Variants in TMIGD3 observed in about 807,000 individuals in gnomAD.
TMIGD3 encodes the protein AD026 protein (AD026).
Under a neutral mutation model 28.1 loss-of-function variants are expected in TMIGD3, and 21 were observed. The ratio of observed to expected loss-of-function variants is 0.75; its 90% CI spans 0.53 to 1.08. The LOEUF (loss-of-function observed/expected upper bound fraction) is 1.08. Ranked by LOEUF, TMIGD3 falls within the 50% of genes least tolerant of loss-of-function variation. TMIGD3 has a pLI of 0.00. For synonymous variants in TMIGD3, 151 were observed against 162.1 expected (o/e 0.93, Z 0.52); for missense variants, 416 against 435.6 (o/e 0.96, Z 0.40).
intron 1 of TMIGD3, among the ~76,000 whole-genome samples, chr1:111,559,105 T>G (rs1455581894): frequency 6.6e-6 from 1 of 152,152 alleles, no homozygotes; most frequent in Non-Finnish European, 1.5e-5. Context: ...TTCTTTAGAA[T>G]TTGAAAATAT....
chr1:111,518,021 A>G (rs1435004267), intron 1 of TMIGD3, among the ~76,000 whole-genome samples: 1 of 152,212 alleles, frequency 6.6e-6, no homozygotes, highest in Non-Finnish European at 1.5e-5. Context: ...ATAGATAAGT[A>G]GGCTGAGGTT....
At chr1:111,557,001 T>C (rs973225459) in intron 1 of TMIGD3, among the ~76,000 whole-genome samples, 1 of 152,016 alleles carries the variant, frequency 6.6e-6, no homozygotes, top group Non-Finnish European at 1.5e-5. Context: ...ATGCAAATAT[T>C]CAACTTAAGG....
At chr1:111,509,106 CA>C (rs1655608097) in intron 1 of TMIGD3, among the ~76,000 whole-genome samples, 1 of 152,168 alleles carries the variant, frequency 6.6e-6, no homozygotes, top group Non-Finnish European at 1.5e-5. Context: ...AACAAACAAA[CA>C]AACAAAAGCA....
chr1:111,483,965 T>C (rs940851237), intron 5 of TMIGD3, among the ~76,000 whole-genome samples: 1 of 152,214 alleles, frequency 6.6e-6, no homozygotes, highest in Non-Finnish European at 1.5e-5. Flanking sequence ...AGGGCTTGCA[T>C]TCACCTCTGT....
At chr1:111,522,289 T>G (rs1656093084) in intron 1 of TMIGD3, among the ~76,000 whole-genome samples, 1 of 152,220 alleles carries the variant, frequency 6.6e-6, no homozygotes, top group South Asian at 2.1e-4. Context: ...CTTTTCAATT[T>G]CTTCAAAAAA....
rs139146384 is a variant in TMIGD3 at position 111,563,929 on chromosome 1, G to A, written c.24C>T (p.Pro8=). 873 of 1,613,780 alleles carry A rather than the reference G, an allele frequency of 5.4e-4. 9 individuals are homozygous for A. The African/African-American group carries it at 0.011, about 20-fold the overall frequency. Residue 8 remains proline (P), a synonymous_variant, in exon 1 of 6, where the codon CCC becomes CCT. Transcript: ENST00000369717. ...CCCACCTGGCCTCCTTCTGCTCAAT[G>A]GGTCCTGCTGGAGACCCTTCCATTG...
chr1:111,490,717 C>T lies in TMIGD3; in HGVS notation c.396G>A (p.Leu132=), dbSNP rs779991494. Residue 132 remains leucine, a synonymous_variant, in exon 2 of 6, where the codon TTG becomes TTA. Transcript: ENST00000369716. ...GLPGCILSFQ[L]KVCFLPVMWL... ...ACATGACTGGAAGGAAGCAAACTTT[C>T]AACTGGAATGATAGAATGCACCCAG... 3 of 1,613,956 alleles carry T rather than the reference C, an allele frequency of 1.9e-6. No homozygotes were observed. The East Asian group carries it at 6.7e-5, about 36-fold the overall frequency.
chr1:111,491,254 G>T (rs536314050), intron 1 of TMIGD3, among the ~76,000 whole-genome samples: 7 of 152,284 alleles, frequency 4.6e-5, no homozygotes, highest in Non-Finnish European at 1.0e-4. Flanking sequence ...AGTAGCCTGC[G>T]TGCCTGGGAC....
chr1:111,555,054 G>C (rs190308972), intron 1 of TMIGD3, among the ~76,000 whole-genome samples: 2 of 151,930 alleles, frequency 1.3e-5, no homozygotes, highest in East Asian at 3.9e-4. Context: ...CAGGAGAAAA[G>C]AAAAAGAGGC....
intron 1 of TMIGD3, among the ~76,000 whole-genome samples, chr1:111,534,519 C>G (rs1010919238): frequency 7.2e-5 from 11 of 152,272 alleles, no homozygotes; most frequent in Admixed American, 7.2e-4. Flanking sequence ...TCGGTGTTTA[C>G]GGTTGCTGTT....
chr1:111,506,349 C>T (rs997438179), upstream of TMIGD3, among the ~76,000 whole-genome samples: 35 of 152,218 alleles, frequency 2.3e-4, no homozygotes, highest in African/African-American at 8.0e-4. Flanking sequence ...AATAAATCAG[C>T]GAGGACTCTT....
chr1:111,508,862 C>T (rs1189756170), intron 1 of TMIGD3, among the ~76,000 whole-genome samples: 1 of 152,112 alleles, frequency 6.6e-6, no homozygotes. Context: ...TTTGGGAGGC[C>T]GAGGCGGGCG....
In TMIGD3 at chr1:111,490,629, C is replaced by G. The variant is rs779961958; in HGVS notation, c.457+27G>C. 3.0e-5 allele frequency: 46 copies of G among 1,547,614 alleles called. No individual in the cohort carries two copies. In the South Asian group the frequency reaches 3.8e-4, roughly 13 times the overall value. On this transcript the variant is annotated intron_variant, in intron 2 of 5. Coordinates refer to ENST00000369716, the MANE Select transcript of TMIGD3 (RefSeq NM_020683.7). ...TCTGGAAAGGCCACAGCTTAAAGGGCTGGAGCTGTTCCGTCCCCCATCCTA... is the reference window on the plus strand; with the variant it reads ...TCTGGAAAGGCCACAGCTTAAAGGGGTGGAGCTGTTCCGTCCCCCATCCTA...
At chr1:111,546,415 C>T (rs2786971) in intron 1 of TMIGD3, among the ~76,000 whole-genome samples, 83,654 of 151,908 alleles carry the variant, frequency 0.55, 23,289 homozygotes, top group East Asian at 0.75. Context: ...TAAACAGTAA[C>T]TCCCCATTCC....
upstream of TMIGD3, chr1:111,503,722 A>G: frequency 9.5e-7 from 1 of 1,047,476 alleles, no homozygotes; most frequent in Non-Finnish European, 1.2e-6. Context: ...AGTTCCATCA[A>G]GATAAGCAAC....
intron 1 of TMIGD3, among the ~76,000 whole-genome samples, chr1:111,493,635 T>C (rs915174049): frequency 6.6e-6 from 1 of 152,230 alleles, no homozygotes; most frequent in Non-Finnish European, 1.5e-5. Context: ...GTATGAAGTT[T>C]TCCATAAGAA....
intron 1 of TMIGD3, among the ~76,000 whole-genome samples, chr1:111,547,242 C>A (rs1469504105): frequency 6.6e-6 from 1 of 151,792 alleles, no homozygotes; most frequent in African/African-American, 2.4e-5. Flanking sequence ...TCAAAGATGA[C>A]CTTTATGAGA....
At chr1:111,499,474 C>A in intron 1 of TMIGD3, 2 of 992,920 alleles carry the variant, frequency 2.0e-6, no homozygotes, top group Non-Finnish European at 2.4e-6. Context: ...CAGGTGAATT[C>A]AGCAGTTTAA....
In TMIGD3 at chr1:111,509,090, G is replaced by A. The variant is rs142986972; in HGVS notation, c.108-18328C>T. On this transcript the variant is annotated intron_variant, in intron 1 of 5. Coordinates refer to the TMIGD3 transcript ENST00000369717. ...AGCCTGGGCGACAGAGCGAGACTCC[G>A]TCTCAAACAAACAAACAAACAAAAG... Among the ~76,000 whole-genome samples, 62 of 152,314 alleles carry A rather than the reference G, an allele frequency of 4.1e-4. No homozygotes were observed. The East Asian group carries it at 7.5e-3, about 18-fold the overall frequency.
Sources: gnomAD v4.1 joint callset for allele counts (sites outside exome capture counted in the v4.1 genomes callset) on GRCh38, gnomAD v4.1.1 for gene constraint, MANE v1.5 for transcripts, NCBI Gene and HGNC (gene_info 2026-07-23, HGNC 2026-07-21) for gene names.